Variants in GTF2A1L observed in about 807,000 individuals in gnomAD.
GTF2A1L encodes the protein general transcription factor IIA subunit 1 like, also known as TFIIA-alpha and beta-like factor.
In GTF2A1L, 48 loss-of-function variants were observed where a neutral mutation model predicts 49.7. The ratio of observed to expected loss-of-function variants is 0.97; its 90% confidence interval spans 0.77 to 1.23. The LOEUF is 1.23. Among genes scored for constraint, GTF2A1L ranks in the 50% most tolerant of loss-of-function variants. The pLI, the probability that GTF2A1L is intolerant of heterozygous loss-of-function variation, is 0.00. For synonymous variants in GTF2A1L, 246 were observed against 193.5 expected, an observed-to-expected ratio of 1.27 and a Z score of -2.25; for missense variants, 736 against 564.8, an observed-to-expected ratio of 1.30 and a Z score of -3.07.
chr2:48,636,025 G>A (rs1676868390), intron 3 of GTF2A1L, among the ~76,000 whole-genome samples: 1 of 152,136 alleles, frequency 6.6e-6, no homozygotes, highest in Non-Finnish European at 1.5e-5. Context: ...ACTTTTATCA[G>A]CCAAATGCCA....
At chr2:48,631,427 G>A (rs1397890478) in intron 3 of GTF2A1L, among the ~76,000 whole-genome samples, 1 of 152,070 alleles carries the variant, frequency 6.6e-6, no homozygotes, top group African/African-American at 2.4e-5. Context: ...TATTCTAATA[G>A]TATCTGAGGA....
chr2:48,646,125 C>T (rs1460239185), intron 5 of GTF2A1L, among the ~76,000 whole-genome samples: 4 of 151,864 alleles, frequency 2.6e-5, no homozygotes. Context: ...TGGCTGATAA[C>T]ATTAATTTAT....
At chr2:48,671,123 A>C (rs1159174940) in intron 7 of GTF2A1L, among the ~76,000 whole-genome samples, 1 of 152,036 alleles carries the variant, frequency 6.6e-6, no homozygotes, top group African/African-American at 2.4e-5. Flanking sequence ...CACCCGGCTC[A>C]AACAGGGATT....
chr2:48,618,003 T>A, intron 1 of GTF2A1L, 108 bp downstream of exon 1: 1 of 1,151,016 alleles, frequency 8.7e-7, no homozygotes, highest in Non-Finnish European at 1.2e-6. Context: ...CAGATTGTCA[T>A]AAACCCTCTC....
chr2:48,633,242 C>G (rs541331932), intron 3 of GTF2A1L: 1 of 177,174 alleles, frequency 5.6e-6, no homozygotes, highest in African/African-American at 2.4e-5. Flanking sequence ...TACTGACTAT[C>G]TTCTTCCCCA....
In GTF2A1L at chr2:48,679,576, A is replaced by G; in HGVS notation, c.*134A>G. The stretch of plus-strand genomic sequence containing the variant: ...TTAGTTCACTGTATGGAATTTAATA[A>G]AATTATAATTCAGATGCAGATACAA... On this transcript the variant is annotated 3_prime_UTR_variant, in exon 9 of 9. Coordinates refer to ENST00000403751, the MANE Select transcript of GTF2A1L (RefSeq NM_006872.5). 7.0e-7 allele frequency: 1 copy of G among 1,437,880 alleles called. No individual in the cohort carries two copies. Among genetic ancestry groups the G allele is most frequent in the Non-Finnish European group, 9.1e-7 (1 of 1,099,152 alleles). The allele number at this position is 1,437,880 out of a possible 1,614,324, so 89.1% of individuals were successfully genotyped here. A position where few individuals can be genotyped will look rare whatever the true frequency, so the allele number is the denominator to read the frequency against.
At chr2:48,660,093 A>AC (rs200689825) in intron 6 of GTF2A1L, among the ~76,000 whole-genome samples, 8,069 of 22,790 alleles carry the variant, frequency 0.35, 342 homozygotes, top group East Asian at 0.51. Flanking sequence ...ATTCAGTATG[A>AC]TTTTTTTTTT....
chr2:48,671,550 G>C, intron 7 of GTF2A1L, 41 bp from the exon 8 acceptor site: 2 of 1,584,422 alleles, frequency 1.3e-6, no homozygotes, highest in Non-Finnish European at 1.7e-6. Flanking sequence ...ACAATTTAAA[G>C]CATCATAAAA....
chr2:48,661,562 A>G (rs1271192388), intron 6 of GTF2A1L, among the ~76,000 whole-genome samples: 1 of 151,944 alleles, frequency 6.6e-6, no homozygotes, highest in Admixed American at 6.6e-5. Flanking sequence ...CCTGTTGCAT[A>G]TATCTGGGGG....
At chr2:48,653,692 G>C (rs1294934619) in intron 6 of GTF2A1L, among the ~76,000 whole-genome samples, 1 of 152,078 alleles carries the variant, frequency 6.6e-6, no homozygotes, top group African/African-American at 2.4e-5. Context: ...CAGCACTTTG[G>C]GAGACTGAGG....
At chr2:48,674,374 CTT>C (rs375168850) in intron 8 of GTF2A1L, among the ~76,000 whole-genome samples, 1 of 148,512 alleles carries the variant, frequency 6.7e-6, no homozygotes. Flanking sequence ...CATATTTAGC[CTT>C]TTTTTTTTCC....
chr2:48,622,195 T>C (rs1475688736), intron 3 of GTF2A1L, among the ~76,000 whole-genome samples: 1 of 152,222 alleles, frequency 6.6e-6, no homozygotes, highest in Non-Finnish European at 1.5e-5. Context: ...ACTTCTTCTA[T>C]TACAAAGTGG....
Position 48,646,786 on chromosome 2 carries a change from A to C in GTF2A1L, c.722A>C (p.Tyr241Ser). ...TTGTGTCATCAGGAAAGTTCTCACTATATCAGTCTTCCAGGTGTTGTATTT... is the reference window on the plus strand; with the variant it reads ...TTGTGTCATCAGGAAAGTTCTCACTCTATCAGTCTTCCAGGTGTTGTATTT... ...ALLCHQESSH[Y>S]ISLPGVVFSP... The change falls in exon 6 of 9, where the codon TAT (tyrosine) becomes TCT (serine). Residue 241 changes from tyrosine to serine, a missense_variant. Tyr to Ser is a moderately radical substitution (Grantham distance 144). Transcript: ENST00000403751. 1.2e-6 allele frequency: 2 copies of C among 1,614,128 alleles called. No homozygotes were observed. Among genetic ancestry groups the C allele is most frequent in the Non-Finnish European group, 1.7e-6 (2 of 1,180,012 alleles).
intron 3 of GTF2A1L, among the ~76,000 whole-genome samples, chr2:48,626,281 A>G (rs1676287784): frequency 7.0e-6 from 1 of 143,866 alleles, no homozygotes. Flanking sequence ...GGTTTGCAAT[A>G]TAGTTTTAAA....
In GTF2A1L at chr2:48,647,485, C is replaced by A. The variant is rs1331798358; in HGVS notation, c.978+443C>A. ...TACTGGGAAACTTATTTTATGTCTG[C>A]AGATAAAAATTAAAAGACCCAGAAA... On this transcript the variant is annotated intron_variant, in intron 6 of 8. Coordinates refer to ENST00000403751, the MANE Select transcript of GTF2A1L (RefSeq NM_006872.5). Among the ~76,000 whole-genome samples the A allele has an allele frequency of 2.0e-5, 3 of 151,960 alleles. No individual in the cohort carries two copies. The East Asian group carries it at 5.8e-4, about 29-fold the overall frequency.
At chr2:48,631,666 G>A (rs1172333835) in intron 3 of GTF2A1L, among the ~76,000 whole-genome samples, 7 of 151,924 alleles carry the variant, frequency 4.6e-5, no homozygotes, top group Non-Finnish European at 1.5e-5. Context: ...ATTTTGTTGT[G>A]TTTCACTCCG....
At chr2:48,637,271 G>A (rs936799143) in intron 3 of GTF2A1L, among the ~76,000 whole-genome samples, 1 of 152,162 alleles carries the variant, frequency 6.6e-6, no homozygotes, top group Non-Finnish European at 1.5e-5. Flanking sequence ...CTGCCGCAAT[G>A]TATCAAAGAA....
Position 48,624,837 on chromosome 2 carries a change from A to T in GTF2A1L, c.247+3547A>T, listed in dbSNP as rs562438704. The stretch of plus-strand genomic sequence containing the variant: ...TGTCTGGCTTATTTCACTTAGTATA[A>T]TGTCCTTCAGTTTCATCTATGTTGT... On this transcript the variant is annotated intron_variant, in intron 3 of 8. Coordinates refer to ENST00000403751, the MANE Select transcript of GTF2A1L (RefSeq NM_006872.5). Among the ~76,000 whole-genome samples, 3 of 142,758 alleles carry T rather than the reference A, an allele frequency of 2.1e-5. 1 individual carries two copies. The highest frequency in any genetic ancestry group is 4.7e-5 in the Non-Finnish European group (3 of 63,530). The allele number at this position is 142,758 out of a possible 152,430, so 93.7% of individuals were successfully genotyped here.
intron 8 of GTF2A1L, among the ~76,000 whole-genome samples, chr2:48,673,974 G>T (rs1679316271): frequency 6.6e-6 from 1 of 152,128 alleles, no homozygotes; most frequent in African/African-American, 2.4e-5. Flanking sequence ...TCCTGCTTCT[G>T]CCATTTTTTC....
Sources: allele counts gnomAD v4.1 joint callset (sites outside exome capture counted in the v4.1 genomes callset), GRCh38; gene constraint gnomAD v4.1.1; transcripts MANE v1.5; gene names NCBI Gene and HGNC (gene_info 2026-07-23, HGNC 2026-07-21).